The following SBNO1 variants were observed in gnomAD, a reference collection of about 807,000 sequenced individuals.
SBNO1 encodes the protein strawberry notch homolog 1.
In SBNO1, 23 loss-of-function variants were observed where a neutral mutation model predicts 173.6. That is an observed-to-expected ratio of 0.13 (90% CI 0.10 to 0.19). The LOEUF (loss-of-function observed/expected upper bound fraction) is 0.19, where lower values mean the gene tolerates loss of function less well. Among genes scored for constraint, SBNO1 ranks in the 10% least tolerant of loss-of-function variants. The pLI is 1.00. For synonymous variants in SBNO1, 632 were observed against 571.5 expected, an observed-to-expected ratio of 1.11 and a Z score of -1.51; for missense variants, 1,238 against 1,671.2, an observed-to-expected ratio of 0.74 and a Z score of 4.52.
At chr12:123,344,533 T>A (rs540357453) in intron 4 of SBNO1, among the ~76,000 whole-genome samples, 4 of 152,280 alleles carry the variant, frequency 2.6e-5, no homozygotes, top group African/African-American at 9.6e-5. Flanking sequence ...TTTAGAATGC[T>A]CTTAGCCCTC....
intron 7 of SBNO1, among the ~76,000 whole-genome samples, chr12:123,333,046 C>T (rs368789242): frequency 6.6e-6 from 1 of 152,030 alleles, no homozygotes; most frequent in East Asian, 1.9e-4. Context: ...ATGGCATGAA[C>T]CTGGGAGGCG....
rs1390907738 is a variant in SBNO1, at chr12:123,292,417, A to G, written c.*3491T>C. The G allele has an allele frequency of 6.6e-6, 1 of 152,056 alleles. No homozygotes were observed. Among genetic ancestry groups the G allele is most frequent in the East Asian group, 1.9e-4 (1 of 5,198 alleles). The allele number at this position is 152,056 out of a possible 1,614,324, so 9.4% of individuals were successfully genotyped here. A position where few individuals can be genotyped will look rare whatever the true frequency, so the allele number is the denominator to read the frequency against. ...ACAATCATTTCCAATCTATTTTTTT[A>G]TCTCATGCTAAAATGAAAGTGGAGG... On this transcript the variant is annotated 3_prime_UTR_variant, in exon 32 of 32. Transcript: ENST00000602398.
intron 4 of SBNO1, among the ~76,000 whole-genome samples, chr12:123,342,894 A>G (rs941754162): frequency 6.6e-6 from 1 of 152,212 alleles, no homozygotes; most frequent in Non-Finnish European, 1.5e-5. Flanking sequence ...CTATTCTAGC[A>G]AAAGATGAAG....
chr12:123,350,451 GA>G lies in SBNO1; in HGVS notation c.1-11del, dbSNP rs752284695. ...GCCCTGGCTCCACCATCTTTAAAGGGAAATATTAAATATTAACATAAAAAAC... is the reference window on the plus strand; with the variant it reads ...GCCCTGGCTCCACCATCTTTAAAGGGAATATTAAATATTAACATAAAAAAC... On this transcript the variant is annotated splice_polypyrimidine_tract_variant and intron_variant, in intron 1 of 31. Coordinates refer to ENST00000602398, the MANE Select transcript of SBNO1 (RefSeq NM_001167856.3). 6.8e-6 allele frequency: 11 copies of G among 1,608,650 alleles called. No homozygotes were observed. The highest frequency in any genetic ancestry group is 8.5e-6 in the Non-Finnish European group (10 of 1,175,530).
intron 4 of SBNO1, 22 bp from the exon 5 acceptor site, chr12:123,341,110 T>A (rs376500780): frequency 1.5e-6 from 2 of 1,331,162 alleles, no homozygotes. Context: ...AAAGTCAAAT[T>A]ACATTTAGAA....
intron 8 of SBNO1, among the ~76,000 whole-genome samples, chr12:123,330,849 CCT>C (rs1219896906): frequency 6.6e-5 from 10 of 152,058 alleles, no homozygotes; most frequent in Non-Finnish European, 1.2e-4. Context: ...TGCTTGAGCC[CCT>C]GAGGTAGAGG....
intron 29 of SBNO1, among the ~76,000 whole-genome samples, chr12:123,304,143 C>A (rs1464714208): frequency 1.3e-5 from 2 of 152,084 alleles, no homozygotes; most frequent in Admixed American, 6.6e-5. Context: ...ATGGGCCAGG[C>A]TGGTCTCAAA....
chr12:123,364,576 G>A (rs1875901054), intron 1 of SBNO1, 125 bp downstream of exon 1: 2 of 983,742 alleles, frequency 2.0e-6, no homozygotes, highest in Non-Finnish European at 2.4e-6. Context: ...GGCGAGGGAG[G>A]CCCCAAGCCG....
intron 15 of SBNO1, 52 bp from the exon 16 acceptor site, chr12:123,323,883 A>AC: frequency 1.5e-6 from 2 of 1,332,112 alleles, no homozygotes; most frequent in Non-Finnish European, 2.1e-6. Flanking sequence ...AAATAATTAT[A>AC]TGTAAAGTAT....
At chr12:123,351,468 AT>A (rs1418225666) in intron 1 of SBNO1, among the ~76,000 whole-genome samples, 2 of 152,104 alleles carry the variant, frequency 1.3e-5, no homozygotes, top group African/African-American at 4.8e-5. Flanking sequence ...CTACAAAAAA[AT>A]TTTTTTAATT....
At position 123,363,899 on chromosome 12, in the gene SBNO1, C is replaced by T. The variant is rs1312177616; in HGVS notation, c.-1+802G>A. The T allele has an allele frequency of 7.1e-6, 7 of 985,390 alleles. No homozygotes were observed. In the East Asian group the frequency reaches 7.9e-4, roughly 112 times the overall value. The allele number at this position is 985,390 out of a possible 1,614,324, so 61.0% of individuals were successfully genotyped here. On this transcript the variant is annotated intron_variant, in intron 1 of 31. Coordinates refer to ENST00000602398, the MANE Select transcript of SBNO1 (RefSeq NM_001167856.3). ...AGAAACAATCAGAAGGGTTTAGGAA[C>T]ATCCAAATCTCCTCAGCGGTTAAAC...
intron 1 of SBNO1, 107 bp from the exon 2 acceptor site, chr12:123,350,548 A>C: frequency 1.1e-6 from 1 of 883,808 alleles, no homozygotes; most frequent in Non-Finnish European, 1.8e-6. Context: ...CCATTCATTC[A>C]GTATTAATGA....
In SBNO1 at chr12:123,320,817, C is replaced by CT. The variant is rs1253266356; in HGVS notation, c.2372dup (p.Lys792GlufsTer24). The CT allele has an allele frequency of 1.9e-5, 30 of 1,596,800 alleles. No homozygotes were observed. Among genetic ancestry groups the CT allele is most frequent in the Admixed American group, 5.3e-5 (3 of 56,722 alleles). On this transcript the variant is annotated frameshift_variant, in exon 18 of 32. Coordinates refer to ENST00000602398, the MANE Select transcript of SBNO1 (RefSeq NM_001167856.3). LOFTEE classifies it high-confidence loss of function. ...TAGAATCTGGATCTATACTTTTCTT[C>CT]TTTTTTTTCTCTTTGTTTTTCTTGT...
intron 17 of SBNO1, 150 bp downstream of exon 17, chr12:123,321,385 A>C (rs1869960454): frequency 4.7e-6 from 3 of 640,922 alleles, no homozygotes; most frequent in Non-Finnish European, 8.0e-6. Flanking sequence ...TCAAACTTCC[A>C]GAAGGTAGAT....
chr12:123,326,117 C>CA, intron 14 of SBNO1, 35 bp downstream of exon 14: 1 of 1,509,596 alleles, frequency 6.6e-7, no homozygotes. Flanking sequence ...ACAACATAAC[C>CA]CCCAAACAAT....
At chr12:123,347,721 G>A (rs1282666327) in intron 3 of SBNO1, among the ~76,000 whole-genome samples, 1 of 151,986 alleles carries the variant, frequency 6.6e-6, no homozygotes, top group African/African-American at 2.4e-5. Context: ...TAGAGATAGA[G>A]ATGGAGTTTC....
intron 21 of SBNO1, 114 bp downstream of exon 21, chr12:123,317,107 G>C (rs1005470152): frequency 5.5e-6 from 6 of 1,096,190 alleles, no homozygotes; most frequent in Admixed American, 2.0e-5. Flanking sequence ...CGAAATGTTG[G>C]AATTACAGGC....
intron 13 of SBNO1, 92 bp from the exon 14 acceptor site, chr12:123,326,426 A>C: frequency 1.5e-6 from 1 of 671,840 alleles, no homozygotes; most frequent in Non-Finnish European, 2.3e-6. Flanking sequence ...TAAGTGCAAG[A>C]CCATTTAATA....
Position 123,348,097 on chromosome 12 carries a change from T to G in SBNO1, c.169A>C (p.Thr57Pro). The change falls in exon 3 of 32, where the codon ACC becomes CCC. Residue 57 changes from threonine to proline, a missense_variant. Physicochemically the swap from Thr to Pro is conservative, Grantham distance 38. This residue lies in a region of SBNO1 where 287 missense variants were observed against 274.1 expected (regional missense o/e 1.05). Transcript: ENST00000602398. Reference protein sequence around the residue: ...PLSALELGLETEAAVPVKQEP... With the variant: ...PLSALELGLEPEAAVPVKQEP... ...TGTTTAACAGGAACTGCTGCTTCGG[T>G]CTCCAAACCTAGTTCTAATGCACTA... The G allele has an allele frequency of 6.2e-7, 1 of 1,611,832 alleles. No homozygotes were observed. Among genetic ancestry groups the G allele is most frequent in the South Asian group, 1.1e-5 (1 of 91,016 alleles).
Sources: allele counts gnomAD v4.1 joint callset (sites outside exome capture counted in the v4.1 genomes callset), GRCh38; gene constraint gnomAD v4.1.1; regional missense constraint gnomAD v4.1.1; transcripts MANE v1.5; gene names NCBI Gene and HGNC (gene_info 2026-07-23, HGNC 2026-07-21).